DCC: variants seen among roughly 807,000 people sequenced by gnomAD.
DCC encodes the protein netrin receptor DCC.
Under a neutral mutation model 172.5 loss-of-function variants are expected in DCC, and 58 were observed. The ratio of observed to expected loss-of-function variants is 0.34; its 90% CI spans 0.27 to 0.42. The LOEUF (loss-of-function observed/expected upper bound fraction) is 0.42, where lower values mean the gene tolerates loss of function less well. Among genes scored for constraint, DCC ranks in the 10% least tolerant of loss-of-function variants. The pLI, the probability that DCC is intolerant of heterozygous loss-of-function variation, is 1.00. For synonymous variants in DCC, 709 were observed against 644.5 expected, an observed-to-expected ratio of 1.10 and a Z score of -1.52; for missense variants, 1,740 against 1,791.0, an observed-to-expected ratio of 0.97 and a Z score of 0.51.
intron 1 of DCC, among the ~76,000 whole-genome samples, chr18:52,400,712 A>T (rs1425664325): frequency 6.6e-6 from 1 of 152,140 alleles, no homozygotes. Context: ...CATCAGTGAT[A>T]GACTGGATAA....
intron 5 of DCC, among the ~76,000 whole-genome samples, chr18:53,043,225 C>G (rs1266497689): frequency 6.6e-6 from 1 of 151,554 alleles, no homozygotes; most frequent in Non-Finnish European, 1.5e-5. Flanking sequence ...GAACAGAAAA[C>G]CAAACAGCGC....
intron 12 of DCC, among the ~76,000 whole-genome samples, chr18:53,288,925 G>C (rs1481417147): frequency 6.6e-6 from 1 of 152,072 alleles, no homozygotes; most frequent in African/African-American, 2.4e-5. Flanking sequence ...ATTGGTTTAT[G>C]TGCATATTAA....
intron 1 of DCC, among the ~76,000 whole-genome samples, chr18:52,641,620 A>T (rs923136736): frequency 3.9e-5 from 6 of 152,132 alleles, no homozygotes; most frequent in African/African-American, 1.4e-4. Context: ...AAAAAGGCTC[A>T]CTGTCACTAA....
intron 12 of DCC, among the ~76,000 whole-genome samples, chr18:53,222,678 G>A (rs183173909): frequency 5.3e-5 from 8 of 151,712 alleles, no homozygotes; most frequent in Non-Finnish European, 1.0e-4. Context: ...GAACCACCAC[G>A]CCCGGCCTAT....
chr18:53,312,345 A>C (rs1599012833), intron 13 of DCC, among the ~76,000 whole-genome samples: 1 of 95,932 alleles, frequency 1.0e-5, no homozygotes, highest in African/African-American at 4.3e-5. Context: ...TGTCTCAAAA[A>C]AAAAAAAAAA....
At chr18:52,662,603 AAGAG>A (rs936455285) in intron 1 of DCC, among the ~76,000 whole-genome samples, 2 of 148,134 alleles carry the variant, frequency 1.4e-5, no homozygotes, top group Non-Finnish European at 3.0e-5. Context: ...AAGGGAGGGA[AAGAG>A]AGAGAGAAAG....
intron 16 of DCC, among the ~76,000 whole-genome samples, chr18:53,391,222 G>A (rs987005443): frequency 1.2e-4 from 19 of 152,222 alleles, no homozygotes; most frequent in African/African-American, 4.6e-4. Context: ...AAAAAATTAG[G>A]TATTAGATAA....
intron 1 of DCC, among the ~76,000 whole-genome samples, chr18:52,563,249 C>T (rs574921148): frequency 6.6e-6 from 1 of 152,200 alleles, no homozygotes; most frequent in African/African-American, 2.4e-5. Flanking sequence ...TTTTATTTTA[C>T]AATAAATAAA....
At chr18:52,994,210 G>A (rs371965109) in intron 5 of DCC, among the ~76,000 whole-genome samples, 7 of 152,112 alleles carry the variant, frequency 4.6e-5, no homozygotes, top group Admixed American at 2.0e-4. Flanking sequence ...CTCCTTACCA[G>A]TTGAATTTAT....
intron 15 of DCC, among the ~76,000 whole-genome samples, chr18:53,357,676 C>G (rs1032587430): frequency 6.6e-6 from 1 of 152,094 alleles, no homozygotes; most frequent in Non-Finnish European, 1.5e-5. Context: ...AGCCTGATCA[C>G]AAAGACCTCA....
At chr18:53,221,828 G>A (rs1242691489) in intron 12 of DCC, among the ~76,000 whole-genome samples, 1 of 152,142 alleles carries the variant, frequency 6.6e-6, no homozygotes, top group Admixed American at 6.6e-5. Context: ...AATTGGCTAG[G>A]AAGAGATGCC....
At chr18:52,864,866 T>C (rs1025027461) in intron 2 of DCC, among the ~76,000 whole-genome samples, 2 of 152,074 alleles carry the variant, frequency 1.3e-5, no homozygotes, top group African/African-American at 4.8e-5. Context: ...CTCATCCTTT[T>C]TTTATTTTAT....
chr18:52,574,347 GACAAA>G (rs1208791595), intron 1 of DCC, among the ~76,000 whole-genome samples: 1 of 152,028 alleles, frequency 6.6e-6, no homozygotes, highest in Non-Finnish European at 1.5e-5. Context: ...TGGCATTGAG[GACAAA>G]ACAAAATTTG....
intron 5 of DCC, among the ~76,000 whole-genome samples, chr18:52,946,264 CTATT>C (rs2040543488): frequency 6.6e-6 from 1 of 152,162 alleles, no homozygotes; most frequent in African/African-American, 2.4e-5. Context: ...AGAGATCAGC[CTATT>C]AATCCATCTC....
In DCC at chr18:52,927,098, T is replaced by TGTATATATACAC. The variant is rs1489978691; in HGVS notation, c.985+1735_985+1736insTACACGTATATA. ...ATATGTGTATATACACGTATATACG[T>TGTATATATACAC]GTATATACACGTATATACGTGTATA... is the stretch of plus-strand genomic sequence containing the variant. On this transcript the variant is annotated intron_variant, in intron 5 of 28. Transcript: ENST00000442544. 2.9e-4 allele frequency among the ~76,000 whole-genome samples: 30 copies of TGTATATATACAC among 103,630 alleles called. 5 individuals are homozygous for TGTATATATACAC. Among genetic ancestry groups the TGTATATATACAC allele is most frequent in the African/African-American group, 8.8e-4 (24 of 27,138 alleles). The allele number at this position is 103,630 out of a possible 152,430, so 68.0% of individuals were successfully genotyped here.
chr18:52,982,854 T>A (rs1234261217), intron 5 of DCC, among the ~76,000 whole-genome samples: 1 of 152,184 alleles, frequency 6.6e-6, no homozygotes, highest in Non-Finnish European at 1.5e-5. Context: ...ACCACAAATG[T>A]CAAACATGCA....
At chr18:53,049,988 T>G (rs1440968537) in intron 5 of DCC, among the ~76,000 whole-genome samples, 1 of 152,108 alleles carries the variant, frequency 6.6e-6, no homozygotes, top group Admixed American at 6.6e-5. Flanking sequence ...CTTTGTAGCC[T>G]TCAGTCTGTG....
chr18:53,252,697 G>A (rs1310456283), intron 12 of DCC, among the ~76,000 whole-genome samples: 2 of 151,928 alleles, frequency 1.3e-5, no homozygotes, highest in Non-Finnish European at 1.5e-5. Flanking sequence ...AGAAGTGGAA[G>A]GCACTGAGTT....
chr18:53,277,628 G>A (rs1298071627), intron 12 of DCC, among the ~76,000 whole-genome samples: 1 of 152,086 alleles, frequency 6.6e-6, no homozygotes, highest in Non-Finnish European at 1.5e-5. Context: ...GAAAATCAGT[G>A]AGCTAGTCTC....
Sources: gnomAD v4.1 joint callset for allele counts (sites outside exome capture counted in the v4.1 genomes callset) on GRCh38, gnomAD v4.1.1 for gene constraint, MANE v1.5 for transcripts, NCBI Gene and HGNC (gene_info 2026-07-23, HGNC 2026-07-21) for gene names.